Variants in PIAS2 observed in about 807,000 individuals in gnomAD.
The protein encoded by PIAS2 is protein inhibitor of activated STAT 2, also known as E3 SUMO-protein ligase PIAS2.
PIAS2 carries 19 observed loss-of-function variants against 69.7 expected under a neutral mutation model. That is an observed-to-expected ratio of 0.27 (90% CI 0.19 to 0.40). The LOEUF (loss-of-function observed/expected upper bound fraction) is 0.40, where lower values mean the gene tolerates loss of function less well. PIAS2 is among the 10% of genes least tolerant of loss of function. PIAS2 has a pLI of 1.00. For missense variants in PIAS2, 624 were observed against 757.0 expected (o/e 0.82, Z 2.06); for synonymous variants, 261 against 263.2 (o/e 0.99, Z 0.08).
At chr18:46,840,308 C>G (rs541634) in intron 8 of PIAS2, among the ~76,000 whole-genome samples, 67,036 of 151,996 alleles carry the variant, frequency 0.44, 14,870 homozygotes, top group Middle Eastern at 0.52. Context: ...GCCATCAGAG[C>G]AATGACATCA....
intron 9 of PIAS2, among the ~76,000 whole-genome samples, chr18:46,834,440 T>C (rs982192373): frequency 1.4e-4 from 21 of 152,146 alleles, no homozygotes; most frequent in Non-Finnish European, 2.4e-4. Context: ...AGCAAGCCCA[T>C]AGCAAAATCT....
intron 1 of PIAS2, among the ~76,000 whole-genome samples, chr18:46,900,271 G>A (rs1164785695): frequency 6.6e-6 from 1 of 151,894 alleles, no homozygotes; most frequent in Non-Finnish European, 1.5e-5. Context: ...GCTGAGACAG[G>A]AGAATCGCTT....
rs373534399 is a variant in PIAS2, at chr18:46,832,213, G to A, written c.1203-2346C>T. ...GGGTGGATCACGAGGTCGGGAGTTC[G>A]AGACCAGCCTGACCAACATGGTGAA... is the stretch of plus-strand genomic sequence containing the variant. On this transcript the variant is annotated intron_variant, in intron 9 of 13. Transcript: ENST00000585916. Among the ~76,000 whole-genome samples, 12 of 151,694 alleles carry A rather than the reference G, an allele frequency of 7.9e-5. 1 individual carries two copies. The highest frequency in any genetic ancestry group is 4.6e-4 in the Admixed American group (7 of 15,230).
intron 2 of PIAS2, among the ~76,000 whole-genome samples, chr18:46,886,318 GA>G (rs921137947): frequency 6.6e-6 from 1 of 151,898 alleles, no homozygotes; most frequent in Non-Finnish European, 1.5e-5. Flanking sequence ...CATAGATAAG[GA>G]AAAAAAATTT....
intron 1 of PIAS2, among the ~76,000 whole-genome samples, chr18:46,914,642 C>T (rs2057619963): frequency 1.3e-5 from 2 of 150,694 alleles, no homozygotes; most frequent in South Asian, 4.2e-4. Context: ...ATTACCTTTC[C>T]CAAAATTCCC....
At chr18:46,914,723 C>A (rs2057627348) in intron 1 of PIAS2, among the ~76,000 whole-genome samples, 1 of 152,024 alleles carries the variant, frequency 6.6e-6, no homozygotes, top group South Asian at 2.1e-4. Flanking sequence ...AAATGAGTAG[C>A]CTTGAAGGGT....
Position 46,836,448 on chromosome 18 carries a change from C to A in PIAS2, c.1111G>T (p.Ala371Ser), listed in dbSNP as rs749443156. The change falls in exon 9 of 14, where the codon GCC (alanine) becomes TCC (serine). Residue 371 changes from alanine to serine, a missense_variant. By Grantham distance (99) the Ala-to-Ser change is moderately conservative (BLOSUM62 1). This residue lies in a region of PIAS2 where 44 missense variants were observed against 90.9 expected (regional missense o/e 0.48). Transcript: ENST00000585916. ...TCTHLQCFDA[A>S]LYLQMNEKKP... is the part of the protein sequence containing the mutation. The stretch of plus-strand genomic sequence containing the variant: ...TTCTCATTCATTTGTAGATAGAGGG[C>A]AGCATCAAAACACTGCAGATGTGTA... 1.9e-6 allele frequency: 3 copies of A among 1,613,784 alleles called. No homozygotes were observed. In the South Asian group the frequency reaches 3.3e-5, roughly 18 times the overall value.
intron 5 of PIAS2, among the ~76,000 whole-genome samples, chr18:46,854,058 G>C (rs182579947): frequency 6.6e-6 from 1 of 152,278 alleles, no homozygotes; most frequent in Admixed American, 6.5e-5. Flanking sequence ...CACAAAACAA[G>C]TATTTCTCAG....
At chr18:46,852,838 A>C (rs1391483181) in intron 5 of PIAS2, 6 of 152,378 alleles carry the variant, frequency 3.9e-5, no homozygotes, top group Non-Finnish European at 8.8e-5. Flanking sequence ...CACATTTCAG[A>C]TGCAGCTCCC....
intron 9 of PIAS2, among the ~76,000 whole-genome samples, chr18:46,835,379 AG>A (rs1032080016): frequency 6.6e-6 from 1 of 152,200 alleles, no homozygotes; most frequent in Admixed American, 6.5e-5. Flanking sequence ...AATTCAGCAA[AG>A]GAAAGTTCAG....
intron 3 of PIAS2, among the ~76,000 whole-genome samples, chr18:46,856,221 T>C (rs1450780504): frequency 6.6e-6 from 1 of 152,018 alleles, no homozygotes; most frequent in African/African-American, 2.4e-5. Context: ...CAGGATGGTC[T>C]TGATCTCCTG....
At chr18:46,910,432 C>G (rs1233013478) in intron 1 of PIAS2, among the ~76,000 whole-genome samples, 1 of 151,958 alleles carries the variant, frequency 6.6e-6, no homozygotes, top group Non-Finnish European at 1.5e-5. Context: ...ATTTAAAATA[C>G]AAAAATTAGT....
At chr18:46,836,326 C>T in intron 9 of PIAS2, 31 bp downstream of exon 9, 1 of 1,565,394 alleles carries the variant, frequency 6.4e-7, no homozygotes, top group Non-Finnish European at 8.8e-7. Flanking sequence ...TTGTATTAGT[C>T]CATATCAGCT....
chr18:46,821,077 T>C lies in PIAS2; in HGVS notation c.1509-5A>G. ...GATGGCTGATACATGAGAACCCTGT[T>C]TTAAATAGCACGGGAAATTACAAAC... On this transcript the variant is annotated splice_region_variant and splice_polypyrimidine_tract_variant and intron_variant, in intron 11 of 13. Coordinates refer to ENST00000585916, the MANE Select transcript of PIAS2 (RefSeq NM_004671.5). 6.2e-7 allele frequency: 1 copy of C among 1,612,970 alleles called. No homozygotes were observed. Among genetic ancestry groups the C allele is most frequent in the Non-Finnish European group, 8.5e-7 (1 of 1,179,386 alleles).
chr18:46,817,049 T>C (rs1187960470), intron 12 of PIAS2: 3 of 937,742 alleles, frequency 3.2e-6, no homozygotes, highest in Non-Finnish European at 2.5e-6. Context: ...AAAAGTTTAT[T>C]GGAACATTTT....
At position 46,812,665 on chromosome 18, in the gene PIAS2, TAAAG is replaced by T. The variant is rs796431941; in HGVS notation, c.1687-57_1687-54del. ...GAGGAAGAGGCTACTTGATTTTAAATAAAGAGACTAGAAATTATTAGATATGCAC... is the reference window on the plus strand; with the variant it reads ...GAGGAAGAGGCTACTTGATTTTAAATAGACTAGAAATTATTAGATATGCAC... On this transcript the variant is annotated intron_variant, in intron 13 of 13. Coordinates refer to ENST00000585916, the MANE Select transcript of PIAS2 (RefSeq NM_004671.5). 15 of 1,082,858 alleles carry T rather than the reference TAAAG, an allele frequency of 1.4e-5. No individual in the cohort carries two copies. In the African/African-American group the frequency reaches 2.0e-4, roughly 15 times the overall value. 67.1% of individuals were successfully genotyped at this position (1,082,858 alleles called of 1,614,324 possible). A position where few individuals can be genotyped will look rare whatever the true frequency, so the allele number is the denominator to read the frequency against.
intron 12 of PIAS2, chr18:46,816,091 C>A (rs750843418): frequency 9.1e-6 from 9 of 984,936 alleles, no homozygotes; most frequent in Non-Finnish European, 1.1e-5. Context: ...TTCACCTAGA[C>A]CTCCCTGTGT....
At chr18:46,875,665 G>A (rs556070421) in intron 2 of PIAS2, among the ~76,000 whole-genome samples, 5 of 152,328 alleles carry the variant, frequency 3.3e-5, no homozygotes, top group East Asian at 3.9e-4. Context: ...TAACGGCTGT[G>A]GAGGTGAAAG....
intron 1 of PIAS2, among the ~76,000 whole-genome samples, chr18:46,914,193 T>C (rs1165341758): frequency 6.6e-6 from 1 of 152,244 alleles, no homozygotes; most frequent in Non-Finnish European, 1.5e-5. Context: ...AACACATTAT[T>C]GTAACCATCT....
Sources: gnomAD v4.1 joint callset for allele counts (sites outside exome capture counted in the v4.1 genomes callset) on GRCh38, gnomAD v4.1.1 for gene constraint, gnomAD v4.1.1 regional missense constraint, MANE v1.5 for transcripts, NCBI Gene and HGNC (gene_info 2026-07-23, HGNC 2026-07-21) for gene names.